CEMIP2: variants seen among roughly 807,000 people sequenced by gnomAD.
The protein encoded by CEMIP2 is cell surface hyaluronidase CEMIP2.
CEMIP2 carries 79 observed loss-of-function variants against 146.9 expected under a neutral mutation model. That is an observed-to-expected ratio of 0.54 (90% confidence interval 0.45 to 0.65). The LOEUF is 0.65. Ranked by LOEUF, CEMIP2 falls within the 30% of genes least tolerant of loss-of-function variation. The pLI is 0.00. For missense variants in CEMIP2, 1,596 were observed against 1,696.2 expected (o/e 0.94, Z 1.04); for synonymous variants, 601 against 606.3 (o/e 0.99, Z 0.13).
Position 71,704,775 on chromosome 9 carries a change from T to G in CEMIP2, c.3014A>C (p.Asn1005Thr). ...QVYVQTWSTQ[N>T]LSMTITRDEY... Reference sequence around the variant, plus strand: ...ATCTCGTGTAATGGTCATAGAAAGATTCTGAGTGCTCCATGTCTGTACATA... The same window carrying G: ...ATCTCGTGTAATGGTCATAGAAAGAGTCTGAGTGCTCCATGTCTGTACATA... The change falls in exon 18 of 24, where the codon AAT becomes ACT. Residue 1005 changes from asparagine to threonine, a missense_variant. By Grantham distance (65) the Asn-to-Thr change is moderately conservative (BLOSUM62 0). Coordinates refer to ENST00000377044, the MANE Select transcript of CEMIP2 (RefSeq NM_013390.3). The G allele has an allele frequency of 6.2e-7, 1 of 1,614,118 alleles. No homozygotes were observed. Among genetic ancestry groups the G allele is most frequent in the Non-Finnish European group, 8.5e-7 (1 of 1,180,002 alleles).
chr9:71,698,051 C>T lies in CEMIP2; in HGVS notation c.3531G>A (p.Lys1177=). ...MAKAYPQYYR[K]PSVVKRMPAM... ...CCGGCATCCGCTTGACCACTGACGG[C>T]TTTCTGTAGTACTGTGGGTATGCTT... The change falls in exon 20 of 24, where the codon AAG becomes AAA. Residue 1177 remains lysine (K), a synonymous_variant. Coordinates refer to ENST00000377044, the MANE Select transcript of CEMIP2 (RefSeq NM_013390.3). 1 of 1,614,160 alleles carries T rather than the reference C, an allele frequency of 6.2e-7. No individual in the cohort carries two copies. Among genetic ancestry groups the T allele is most frequent in the African/African-American group, 1.3e-5 (1 of 75,044 alleles).
At chr9:71,689,776 A>T (rs1475600272) in intron 22 of CEMIP2, among the ~76,000 whole-genome samples, 1 of 152,224 alleles carries the variant, frequency 6.6e-6, no homozygotes, top group South Asian at 2.1e-4. Context: ...TTGTTTTACG[A>T]AACTCAAAAA....
intron 22 of CEMIP2, among the ~76,000 whole-genome samples, chr9:71,689,815 T>C (rs1267171927): frequency 3.3e-5 from 5 of 152,210 alleles, no homozygotes; most frequent in Non-Finnish European, 5.9e-5. Context: ...GGGATAGTAA[T>C]GTTCCAAATA....
At position 71,718,092 on chromosome 9, in the gene CEMIP2, A is replaced by C. The variant is rs1234341304; in HGVS notation, c.2268-13T>G. The C allele has an allele frequency of 6.3e-7, 1 of 1,589,766 alleles. No homozygotes were observed. Among genetic ancestry groups the C allele is most frequent in the Non-Finnish European group, 8.5e-7 (1 of 1,169,910 alleles). ...ATGAGGTCGAAATCTAGGGGTTAAA[A>C]AAAGAATTTTAAAAAATATAACATA... On this transcript the variant is annotated splice_polypyrimidine_tract_variant and intron_variant, in intron 12 of 23. Transcript: ENST00000377044.
intron 11 of CEMIP2, among the ~76,000 whole-genome samples, chr9:71,723,019 T>A (rs1321554494): frequency 8.5e-6 from 1 of 118,048 alleles, no homozygotes; most frequent in Non-Finnish European, 1.8e-5. Flanking sequence ...AGCAAAAGAA[T>A]GGATTGGTGG....
At chr9:71,712,967 T>C (rs534817226) in intron 15 of CEMIP2, among the ~76,000 whole-genome samples, 1 of 152,352 alleles carries the variant, frequency 6.6e-6, no homozygotes, top group Non-Finnish European at 1.5e-5. Context: ...TAGCAACTAA[T>C]TATTCTACAA....
intron 4 of CEMIP2, among the ~76,000 whole-genome samples, chr9:71,744,302 G>C (rs1258870357): frequency 1.3e-5 from 2 of 152,154 alleles, no homozygotes; most frequent in African/African-American, 4.8e-5. Flanking sequence ...TGGAGCCTGG[G>C]AGGTTGAGGC....
chr9:71,714,712 G>A (rs893899116), intron 15 of CEMIP2, among the ~76,000 whole-genome samples: 19 of 152,286 alleles, frequency 1.2e-4, no homozygotes, highest in Non-Finnish European at 2.5e-4. Context: ...TCTATGAAAT[G>A]TTTAATAACT....
Position 71,725,685 on chromosome 9 carries a change from G to A in CEMIP2, c.2074C>T (p.His692Tyr), listed in dbSNP as rs781777860. 2 of 1,613,512 alleles carry A rather than the reference G, an allele frequency of 1.2e-6. No individual in the cohort carries two copies. The highest frequency in any genetic ancestry group is 4.5e-5 in the East Asian group (2 of 44,862). ...SQDAGIWYLF[H>Y]KEPTGESSGL... ...CTGGATTCCCCAGTTGGTTCCTTGTGGAATAAATACCATATTCCAGCATCC... is the reference window on the plus strand; with the variant it reads ...CTGGATTCCCCAGTTGGTTCCTTGTAGAATAAATACCATATTCCAGCATCC... Residue 692 changes from histidine (H) to tyrosine (Y), a missense_variant, in exon 11 of 24, where the codon CAC becomes TAC. Coordinates refer to ENST00000377044, the MANE Select transcript of CEMIP2 (RefSeq NM_013390.3).
At chr9:71,730,997 C>A in intron 7 of CEMIP2, 83 bp from the exon 8 acceptor site, 1 of 1,102,640 alleles carries the variant, frequency 9.1e-7, no homozygotes, top group Non-Finnish European at 1.4e-6. Flanking sequence ...AGAAAACATC[C>A]AAAGGAGAAT....
chr9:71,705,687 T>C (rs1418429979), intron 17 of CEMIP2, among the ~76,000 whole-genome samples: 1 of 144,030 alleles, frequency 6.9e-6, no homozygotes, highest in Non-Finnish European at 1.5e-5. Flanking sequence ...GACTATTGAT[T>C]GTCTTCATTT....
intron 20 of CEMIP2, among the ~76,000 whole-genome samples, chr9:71,696,454 C>G (rs996008256): frequency 2.0e-5 from 3 of 150,388 alleles, no homozygotes; most frequent in Admixed American, 2.0e-4. Context: ...GAGACTAAGA[C>G]TGATAGTAGA....
At chr9:71,698,301 A>C (rs1027350833) in intron 19 of CEMIP2, 97 bp from the exon 20 acceptor site, 28 of 961,240 alleles carry the variant, frequency 2.9e-5, no homozygotes, top group Non-Finnish European at 4.3e-5. Flanking sequence ...ATATTCCTCC[A>C]ATTAGTAACT....
chr9:71,728,293 A>ATATATATATATATATATGTG (rs1823499105), intron 10 of CEMIP2, among the ~76,000 whole-genome samples: 1 of 39,574 alleles, frequency 2.5e-5, no homozygotes, highest in African/African-American at 9.4e-5. Flanking sequence ...ATATATATAT[A>ATATATATATATATATATGTG]TATATATACA....
intron 13 of CEMIP2, among the ~76,000 whole-genome samples, chr9:71,717,664 A>T (rs56993179): frequency 0.057 from 8,670 of 152,238 alleles, 266 homozygotes; most frequent in South Asian, 0.069. Flanking sequence ...TCTGACATAG[A>T]CCATGCTTGT....
intron 18 of CEMIP2, among the ~76,000 whole-genome samples, chr9:71,702,883 T>C (rs1358764963): frequency 1.3e-5 from 2 of 152,230 alleles, no homozygotes; most frequent in Admixed American, 6.5e-5. Flanking sequence ...TGGAAAGGTA[T>C]GCACGGTACT....
At position 71,704,646 on chromosome 9, in the gene CEMIP2, C is replaced by T. The variant is rs751940281; in HGVS notation, c.3143G>A (p.Trp1048Ter). 1 of 1,613,960 alleles carries T rather than the reference C, an allele frequency of 6.2e-7. No homozygotes were observed. Among genetic ancestry groups the T allele is most frequent in the Non-Finnish European group, 8.5e-7 (1 of 1,180,012 alleles). ...VMLEKGYTIH[W>*]NGPAPRTTFL... ...TGTAGTCCGTGGTGCCGGCCCATTC[C>T]AGTGGATGGTATAACCCTTCTCCAG... Residue 1048 changes from tryptophan to a stop codon, truncating the protein, a stop_gained, in exon 18 of 24, where the codon TGG becomes TAG. Coordinates refer to ENST00000377044, the MANE Select transcript of CEMIP2 (RefSeq NM_013390.3). LOFTEE classifies it high-confidence loss of function.
In CEMIP2 at chr9:71,701,100, TG is replaced by T. The variant is rs199510522; in HGVS notation, c.3195-277del. 4.0e-3 allele frequency among the ~76,000 whole-genome samples: 609 copies of T among 152,290 alleles called. 4 individuals carry two copies. The highest frequency in any genetic ancestry group is 0.014 in the African/African-American group (572 of 41,542). ...GAGCCTTTACAATTTTTTTTGTTTT[TG>T]TTTTTTTGTTGTTGTTGTTTTTGAG... On this transcript the variant is annotated intron_variant, in intron 18 of 23. Transcript: ENST00000377044.
intron 10 of CEMIP2, among the ~76,000 whole-genome samples, chr9:71,728,875 G>A (rs375818432): frequency 7.3e-4 from 111 of 151,452 alleles, no homozygotes; most frequent in African/African-American, 2.4e-3. Context: ...TCTGTTACCC[G>A]GGCTGGAGTA....
Sources: gnomAD v4.1 joint callset for allele counts (sites outside exome capture counted in the v4.1 genomes callset) on GRCh38, gnomAD v4.1.1 for gene constraint, MANE v1.5 for transcripts, NCBI Gene and HGNC (gene_info 2026-07-23, HGNC 2026-07-21) for gene names.